The following OR2T12 variants were observed in gnomAD, a reference collection of about 807,000 sequenced individuals.
The protein encoded by OR2T12 is olfactory receptor family 2 subfamily T member 12, also known as olfactory receptor 2T12.
For missense variants in OR2T12, 335 were observed against 404.3 expected (o/e 0.83, Z 1.47); for synonymous variants, 127 against 160.5 (o/e 0.79, Z 1.58).
intron 2 of OR2T12, among the ~76,000 whole-genome samples, chr1:248,298,213 G>A (rs1659763392): frequency 6.6e-6 from 1 of 152,126 alleles, no homozygotes; most frequent in African/African-American, 2.4e-5. Context: ...ACTTGATCAT[G>A]GTGGATAAGC....
chr1:248,298,454 G>A (rs1398152519), intron 2 of OR2T12, among the ~76,000 whole-genome samples: 1 of 152,186 alleles, frequency 6.6e-6, no homozygotes, highest in Non-Finnish European at 1.5e-5. Context: ...ACCTCTGGTA[G>A]AATTTGCCTG....
At position 248,292,303 on chromosome 1, in the gene OR2T12, G is replaced by C. The variant is rs1234981102; in HGVS notation, c.*2313C>G. 6.6e-6 allele frequency: 1 copy of C among 151,994 alleles called. No homozygotes were observed. Among genetic ancestry groups the C allele is most frequent in the Non-Finnish European group, 1.5e-5 (1 of 67,952 alleles). The allele number at this position is 151,994 out of a possible 1,614,324, so 9.4% of individuals were successfully genotyped here. A position where few individuals can be genotyped will look rare whatever the true frequency, so the allele number is the denominator to read the frequency against. On this transcript the variant is annotated 3_prime_UTR_variant, in exon 3 of 3. Transcript: ENST00000641276. The stretch of plus-strand genomic sequence containing the variant: ...CTGGGTGCTAGAGCTTCATATGTTC[G>C]AAGTAACTCCTCATTCAAAATTTTG...
At chr1:248,299,103 A>G (rs1486596339) in intron 2 of OR2T12, among the ~76,000 whole-genome samples, 1 of 152,170 alleles carries the variant, frequency 6.6e-6, no homozygotes, top group African/African-American at 2.4e-5. Context: ...AAAGACCATC[A>G]AGGCTAGGAG....
At chr1:248,295,830 G>T (rs1016506693) in intron 2 of OR2T12, among the ~76,000 whole-genome samples, 1 of 151,928 alleles carries the variant, frequency 6.6e-6, no homozygotes, top group Admixed American at 6.6e-5. Context: ...AGATCAAAAT[G>T]AATAAAAATT....
At chr1:248,297,952 G>A (rs1659757878) in intron 2 of OR2T12, among the ~76,000 whole-genome samples, 1 of 150,858 alleles carries the variant, frequency 6.6e-6, no homozygotes, top group East Asian at 1.9e-4. Context: ...AATGCTTCCA[G>A]TTTTTGCCCA....
chr1:248,300,430 G>T (rs569532543), intron 2 of OR2T12, among the ~76,000 whole-genome samples: 13 of 152,196 alleles, frequency 8.5e-5, no homozygotes, highest in Non-Finnish European at 1.6e-4. Context: ...TGAGATCTAG[G>T]TTCAGTCAAT....
chr1:248,302,366 T>G (rs1659822673), intron 1 of OR2T12, among the ~76,000 whole-genome samples: 1 of 152,092 alleles, frequency 6.6e-6, no homozygotes, highest in African/African-American at 2.4e-5. Flanking sequence ...AATCCTATTA[T>G]GAGTAATTTA....
At position 248,295,342 on chromosome 1, in the gene OR2T12, C is replaced by A; in HGVS notation, c.237G>T (p.Met79Ile). The A allele has an allele frequency of 6.2e-7, 1 of 1,608,154 alleles. No individual in the cohort carries two copies. Among genetic ancestry groups the A allele is most frequent in the Non-Finnish European group, 8.5e-7 (1 of 1,177,370 alleles). The change falls in exon 3 of 3, where the codon ATG (methionine) becomes ATT (isoleucine). Residue 79 changes from methionine to isoleucine, a missense_variant. Physicochemically the swap from Met to Ile is conservative, Grantham distance 10 (BLOSUM62 1). Transcript: ENST00000641276. ...TATTTCCGGTCAAGTAGTCAGCCGC[C>A]ATTTTGGGCACAGTGGTGGAAACCA... Reference protein sequence around the residue: ...MMLVSTTVPKMAADYLTGNKA... With the variant: ...MMLVSTTVPKIAADYLTGNKA...
intron 2 of OR2T12, among the ~76,000 whole-genome samples, chr1:248,299,093 A>G (rs969896156): frequency 3.9e-5 from 6 of 152,200 alleles, no homozygotes; most frequent in African/African-American, 2.4e-5. Context: ...GCCAAATTGT[A>G]AAGACCATCA....
In OR2T12 at chr1:248,294,582, T is replaced by C; in HGVS notation, c.*34A>G. ...GAATTACATAGTGTTAAAATGTTAATAAATTCAGGAACTTAGACTCATCTG... is the reference window on the plus strand; with the variant it reads ...GAATTACATAGTGTTAAAATGTTAACAAATTCAGGAACTTAGACTCATCTG... On this transcript the variant is annotated 3_prime_UTR_variant, in exon 3 of 3. Coordinates refer to ENST00000641276, the MANE Select transcript of OR2T12 (RefSeq NM_001004692.2). The C allele has an allele frequency of 6.3e-7, 1 of 1,585,002 alleles. No homozygotes were observed. Among genetic ancestry groups the C allele is most frequent in the Non-Finnish European group, 8.6e-7 (1 of 1,167,806 alleles).
rs1298030915 is a variant in OR2T12, at chr1:248,294,472, A to G, written c.*144T>C. On this transcript the variant is annotated 3_prime_UTR_variant, in exon 3 of 3. Transcript: ENST00000641276. ...ATGCTCAAAAATGGTATCTGTCAATACAATTGGCTCACTTCATTCTTAAAA... is the reference window on the plus strand; with the variant it reads ...ATGCTCAAAAATGGTATCTGTCAATGCAATTGGCTCACTTCATTCTTAAAA... 1 of 1,081,664 alleles carries G rather than the reference A, an allele frequency of 9.2e-7. No individual in the cohort carries two copies. The highest frequency in any genetic ancestry group is 2.4e-5 in the Admixed American group (1 of 42,084). The allele number at this position is 1,081,664 out of a possible 1,614,324, so 67.0% of individuals were successfully genotyped here. A position where few individuals can be genotyped will look rare whatever the true frequency, so the allele number is the denominator to read the frequency against.
rs1407901450 is a variant in OR2T12 at position 248,290,237 on chromosome 1, TTGACAACCC to T, written c.*4370_*4378del. ...TTAATGCCATACAACCATCTGTTCT[TTGACAACCC>T]TGACAAAAACAAGCAATGGGGAAAG... On this transcript the variant is annotated 3_prime_UTR_variant, in exon 3 of 3. Transcript: ENST00000641276. 1 of 152,176 alleles carries T rather than the reference TTGACAACCC, an allele frequency of 6.6e-6. No homozygotes were observed. The highest frequency in any genetic ancestry group is 2.4e-5 in the African/African-American group (1 of 41,440). 9.4% of individuals were successfully genotyped at this position (152,176 alleles called of 1,614,324 possible). A position where few individuals can be genotyped will look rare whatever the true frequency, so the allele number is the denominator to read the frequency against.
At chr1:248,296,424 T>C (rs943640810) in intron 2 of OR2T12, among the ~76,000 whole-genome samples, 3 of 152,186 alleles carry the variant, frequency 2.0e-5, no homozygotes, top group Non-Finnish European at 4.4e-5. Context: ...CCTGAGGAAT[T>C]GCCACACTAA....
chr1:248,298,999 AC>A (rs536940545), intron 2 of OR2T12, among the ~76,000 whole-genome samples: 493 of 152,288 alleles, frequency 3.2e-3, no homozygotes, highest in Middle Eastern at 0.014. Context: ...AGATTTTGTC[AC>A]CACCAGGCCT....
chr1:248,302,691 T>C (rs1041014620), intron 1 of OR2T12, among the ~76,000 whole-genome samples: 1 of 152,150 alleles, frequency 6.6e-6, no homozygotes, highest in Non-Finnish European at 1.5e-5. Context: ...GTGTTGCAGA[T>C]TGCAGATTTT....
intron 2 of OR2T12, among the ~76,000 whole-genome samples, chr1:248,297,857 A>C (rs111706003): frequency 1.3e-5 from 2 of 149,998 alleles, no homozygotes; most frequent in African/African-American, 2.5e-5. Flanking sequence ...TGTCCTGCCT[A>C]ATTGCCCTGG....
chr1:248,297,632 T>C (rs1264340506), intron 2 of OR2T12, among the ~76,000 whole-genome samples: 83 of 151,680 alleles, frequency 5.5e-4, no homozygotes, highest in Non-Finnish European at 8.4e-4. Flanking sequence ...AATGGGAGTT[T>C]ACTCATGATT....
In OR2T12 at chr1:248,293,159, C is replaced by T. The variant is rs1659656989; in HGVS notation, c.*1457G>A. On this transcript the variant is annotated 3_prime_UTR_variant, in exon 3 of 3. Coordinates refer to ENST00000641276, the MANE Select transcript of OR2T12 (RefSeq NM_001004692.2). ...ATAGCCTTCTCTTAAGACATGGGCT[C>T]AGGATCTGCATGCAGTGGTTAAGGT... 1 of 152,216 alleles carries T rather than the reference C, an allele frequency of 6.6e-6. No individual in the cohort carries two copies. The highest frequency in any genetic ancestry group is 2.4e-5 in the African/African-American group (1 of 41,550). 9.4% of individuals were successfully genotyped at this position (152,216 alleles called of 1,614,324 possible). A position where few individuals can be genotyped will look rare whatever the true frequency, so the allele number is the denominator to read the frequency against.
chr1:248,294,700 A>C lies in OR2T12; in HGVS notation c.879T>G (p.Ser293Arg), dbSNP rs1394643771. The change falls in exon 3 of 3, where the codon AGT (serine) becomes AGG (arginine). Residue 293 changes from serine (S) to arginine (R), a missense_variant. Transcript: ENST00000641276. ...ACCGTTTCAGGGCTTCCTTGACCTC[A>C]CTGTTCCTCACACTGTAGATGAGGG... is the stretch of plus-strand genomic sequence containing the variant. ...LNPLIYSVRN[S>R]EVKEALKRWL... 1 of 1,614,102 alleles carries C rather than the reference A, an allele frequency of 6.2e-7. No individual in the cohort carries two copies. Among genetic ancestry groups the C allele is most frequent in the Non-Finnish European group, 8.5e-7 (1 of 1,180,024 alleles).
Sources: gnomAD v4.1 joint callset for allele counts (sites outside exome capture counted in the v4.1 genomes callset) on GRCh38, gnomAD v4.1.1 for gene constraint, MANE v1.5 for transcripts, NCBI Gene and HGNC (gene_info 2026-07-23, HGNC 2026-07-21) for gene names.